Variants in PDE3B observed in about 807,000 individuals in gnomAD.
The protein encoded by PDE3B is phosphodiesterase 3B.
A neutral mutation model predicts 116.8 loss-of-function variants in PDE3B; 66 were observed. The observed-to-expected ratio is 0.56, with a 90% CI of 0.46 to 0.69. PDE3B has a LOEUF of 0.69. Among genes scored for constraint, PDE3B ranks in the 30% least tolerant of loss-of-function variants. The pLI is 0.00. For missense variants in PDE3B, 1,384 were observed against 1,368.1 expected, an observed-to-expected ratio of 1.01 and a Z score of -0.18; for synonymous variants, 595 against 533.6, an observed-to-expected ratio of 1.12 and a Z score of -1.59.
At chr11:14,726,125 C>A (rs1856299659) in intron 1 of PDE3B, among the ~76,000 whole-genome samples, 1 of 152,176 alleles carries the variant, frequency 6.6e-6, no homozygotes, top group Admixed American at 6.5e-5. Context: ...TTAGCTTGCT[C>A]CCTCACTTCA....
At chr11:14,737,446 C>G (rs1464693294) in intron 1 of PDE3B, among the ~76,000 whole-genome samples, 1 of 151,946 alleles carries the variant, frequency 6.6e-6, no homozygotes, top group East Asian at 1.9e-4. Context: ...GATCCGCCAG[C>G]CTTGGCCTCC....
At chr11:14,697,168 G>T (rs1257259060) in intron 1 of PDE3B, among the ~76,000 whole-genome samples, 1 of 151,972 alleles carries the variant, frequency 6.6e-6, no homozygotes, top group African/African-American at 2.4e-5. Context: ...ACACTCCTGG[G>T]CTCAAAGGAT....
intron 1 of PDE3B, among the ~76,000 whole-genome samples, chr11:14,686,905 G>C (rs1022422090): frequency 2.0e-5 from 3 of 151,950 alleles, no homozygotes; most frequent in Non-Finnish European, 4.4e-5. Flanking sequence ...ATTAGAGACG[G>C]TGTTTCACCG....
At chr11:14,649,502 A>G (rs1247857534) in intron 1 of PDE3B, among the ~76,000 whole-genome samples, 1 of 152,228 alleles carries the variant, frequency 6.6e-6, no homozygotes, top group Non-Finnish European at 1.5e-5. Flanking sequence ...GTCCACTTTT[A>G]CTTTCCACAA....
intron 12 of PDE3B, among the ~76,000 whole-genome samples, chr11:14,850,975 C>T (rs545366465): frequency 3.3e-5 from 5 of 150,988 alleles, no homozygotes; most frequent in Admixed American, 2.0e-4. Context: ...ACTACCACAC[C>T]CAGCTATTTT....
downstream of PDE3B, among the ~76,000 whole-genome samples, chr11:14,874,047 G>A (rs905065639): frequency 2.0e-5 from 3 of 152,046 alleles, no homozygotes; most frequent in African/African-American, 7.2e-5. Flanking sequence ...CTTTTTGCAT[G>A]TCTTGTAATT....
rs550722644 is a variant in PDE3B at position 14,871,120 on chromosome 11, G to GT, written c.*1461dup. The GT allele has an allele frequency of 1.2e-4, 18 of 152,192 alleles. No homozygotes were observed. In the South Asian group the frequency reaches 3.5e-3, roughly 30 times the overall value. The allele number at this position is 152,192 out of a possible 1,614,324, so 9.4% of individuals were successfully genotyped here. On this transcript the variant is annotated 3_prime_UTR_variant, in exon 16 of 16. Coordinates refer to ENST00000282096, the MANE Select transcript of PDE3B (RefSeq NM_000922.4). ...TCCAAGGTAATTCCTTTAGAATATG[G>GT]TATTGGCATGCAGTTTCTTACTTAT...
rs758518598 is a variant in PDE3B at position 14,645,063 on chromosome 11, C to T, written c.978+10C>T. The T allele has an allele frequency of 2.6e-6, 4 of 1,564,104 alleles. No individual in the cohort carries two copies. Among genetic ancestry groups the T allele is most frequent in the Non-Finnish European group, 3.5e-6 (4 of 1,153,724 alleles). On this transcript the variant is annotated intron_variant, in intron 1 of 15. Coordinates refer to ENST00000282096, the MANE Select transcript of PDE3B (RefSeq NM_000922.4). ...TATTTCCAGAGAACAGGTATGTTAG[C>T]TGGAAGGCGAGGTCTGGGACGCGAG...
intron 1 of PDE3B, among the ~76,000 whole-genome samples, chr11:14,735,605 A>G (rs2133858739): frequency 6.6e-6 from 1 of 152,332 alleles, no homozygotes; most frequent in East Asian, 1.9e-4. Context: ...ATGGCTGTTT[A>G]AACTTCAGTT....
At chr11:14,700,196 G>A (rs375463939) in intron 1 of PDE3B, among the ~76,000 whole-genome samples, 1 of 151,574 alleles carries the variant, frequency 6.6e-6, no homozygotes, top group South Asian at 2.1e-4. Context: ...ATTTAGTAAG[G>A]TTAATTTTTA....
chr11:14,891,489 C>T, the PDE3B span: 2 of 993,332 alleles, frequency 2.0e-6, no homozygotes, highest in South Asian at 4.5e-5. Context: ...TCACAGCAAA[C>T]GCCTACACCA....
intron 1 of PDE3B, among the ~76,000 whole-genome samples, chr11:14,753,694 G>C (rs1475569833): frequency 1.3e-5 from 2 of 152,024 alleles, no homozygotes; most frequent in African/African-American, 4.8e-5. Flanking sequence ...AAAAAACAAA[G>C]TATCCCTTTT....
chr11:14,893,925 T>C, the PDE3B span, among the ~76,000 whole-genome samples: 1 of 152,144 alleles, frequency 6.6e-6, no homozygotes. Context: ...GAGGCAGATA[T>C]GGGGGAAAAT....
At chr11:14,735,164 G>A (rs1159978945) in intron 1 of PDE3B, among the ~76,000 whole-genome samples, 3 of 152,046 alleles carry the variant, frequency 2.0e-5, no homozygotes. Flanking sequence ...AGAAGGAATG[G>A]GCATTGGACC....
chr11:14,709,598 G>A (rs1466793453), intron 1 of PDE3B, among the ~76,000 whole-genome samples: 1 of 152,056 alleles, frequency 6.6e-6, no homozygotes, highest in South Asian at 2.1e-4. Flanking sequence ...GTGTGAATTC[G>A]GATTACAGAT....
intron 4 of PDE3B, among the ~76,000 whole-genome samples, chr11:14,795,101 T>C (rs114411951): frequency 0.01 from 1,599 of 152,294 alleles, 27 homozygotes; most frequent in African/African-American, 0.036. Flanking sequence ...GAGTAAATCA[T>C]TGGCCATTGG....
chr11:14,796,726 G>A lies in PDE3B; in HGVS notation c.1416-7218G>A, dbSNP rs186856530. Among the ~76,000 whole-genome samples, 110 of 152,118 alleles carry A rather than the reference G, an allele frequency of 7.2e-4. No individual in the cohort carries two copies. In the Middle Eastern group the frequency reaches 0.01, roughly 14 times the overall value. On this transcript the variant is annotated intron_variant, in intron 4 of 15. Coordinates refer to ENST00000282096, the MANE Select transcript of PDE3B (RefSeq NM_000922.4). ...TTTTTGATGGGGTTGTATTTTTCTT[G>A]TAAATTTGTTTAAGTTCTTTGTAGA...
intron 11 of PDE3B, among the ~76,000 whole-genome samples, chr11:14,842,679 C>T (rs550188160): frequency 1.5e-3 from 226 of 152,204 alleles, no homozygotes; most frequent in Non-Finnish European, 2.5e-3. Context: ...GAGGGTGTAG[C>T]GTACTATTAC....
chr11:14,867,178 CTAGA>C (rs1403329925), intron 14 of PDE3B, among the ~76,000 whole-genome samples: 68 of 151,982 alleles, frequency 4.5e-4, no homozygotes, highest in African/African-American at 1.5e-3. Context: ...GCTTTTGCCC[CTAGA>C]TAAAGAGAAT....
Sources: gnomAD v4.1 joint callset for allele counts (sites outside exome capture counted in the v4.1 genomes callset) on GRCh38, gnomAD v4.1.1 for gene constraint, MANE v1.5 for transcripts, NCBI Gene and HGNC (gene_info 2026-07-23, HGNC 2026-07-21) for gene names.